The following USP43 variants were observed in gnomAD, a reference collection of about 807,000 sequenced individuals.
The protein encoded by USP43 is ubiquitin specific peptidase 43, also known as ubiquitin carboxyl-terminal hydrolase 43.
USP43 carries 33 observed loss-of-function variants against 90.7 expected under a neutral mutation model. The ratio of observed to expected loss-of-function variants is 0.36; its 90% CI spans 0.28 to 0.49. The LOEUF is 0.49. USP43 is among the 20% of genes least tolerant of loss of function. USP43 has a pLI of 0.98. For synonymous variants in USP43, 598 were observed against 615.8 expected (o/e 0.97, Z 0.43); for missense variants, 1,274 against 1,476.4 (o/e 0.86, Z 2.25).
At position 9,686,813 on chromosome 17, in the gene USP43, C is replaced by A; in HGVS notation, c.1257C>A (p.Phe419Leu). ...GGATTTTCAGGTTTGGGCCACCCTT[C>A]CTGATAAGGGAAGACAGAGCTGTTT... ...GQQASRFGPP[F>L]LIREDRAVSW... Residue 419 changes from phenylalanine to leucine, a missense_variant, in exon 8 of 15, where the codon TTC (phenylalanine) becomes TTA (leucine). Phe to Leu is a conservative substitution (Grantham distance 22). This residue lies in a region of USP43 where 253 missense variants were observed against 276.0 expected (regional missense o/e 0.92). Coordinates refer to ENST00000285199, the MANE Select transcript of USP43 (RefSeq NM_153210.5). The surrounding 1 kb of genome is among the most constrained non-coding windows in gnomAD (Gnocchi z 5.5). 6.2e-7 allele frequency: 1 copy of A among 1,613,914 alleles called. No homozygotes were observed. The highest frequency in any genetic ancestry group is 1.3e-5 in the African/African-American group (1 of 75,024).
rs1379570881 is a variant in USP43, at chr17:9,685,791, A to G, written c.1242-1007A>G. ...GTAATTGGCATAACCGTCACCTCAA[A>G]CATTTATCATTTCTTTGTGTTGGGA... On this transcript the variant is annotated intron_variant, in intron 7 of 14. Transcript: ENST00000285199. Among the ~76,000 whole-genome samples the G allele has an allele frequency of 2.0e-5, 3 of 152,210 alleles. No individual in the cohort carries two copies. In the East Asian group the frequency reaches 5.8e-4, roughly 29 times the overall value.
intron 5 of USP43, among the ~76,000 whole-genome samples, chr17:9,678,093 G>A (rs2151974158): frequency 6.6e-6 from 1 of 152,314 alleles, no homozygotes; most frequent in South Asian, 2.1e-4. Flanking sequence ...TGGGGAGAAA[G>A]TGACAGTAAG....
chr17:9,724,927 G>C (rs1917178659), intron 14 of USP43, among the ~76,000 whole-genome samples: 1 of 132,146 alleles, frequency 7.6e-6, no homozygotes, highest in Non-Finnish European at 1.5e-5. Context: ...CTTGTTCTGT[G>C]GCGGGGGGCA....
At chr17:9,703,177 A>ATTTTT (rs759991039) in intron 12 of USP43, among the ~76,000 whole-genome samples, 1 of 143,906 alleles carries the variant, frequency 6.9e-6, no homozygotes, top group African/African-American at 2.5e-5. Context: ...TGTTACTCAG[A>ATTTTT]TTTTTTTTTT....
rs74319653 is a variant in USP43 at position 9,698,978 on chromosome 17, G to T, written c.1458-1194G>T. On this transcript the variant is annotated intron_variant, in intron 9 of 14. Coordinates refer to ENST00000285199, the MANE Select transcript of USP43 (RefSeq NM_153210.5). ...TCATTGTGGAAATGGAGAATTTGGG[G>T]GACCTAAAGAAAGAAGCTTAGATCT... Among the ~76,000 whole-genome samples the T allele has an allele frequency of 1.1e-3, 174 of 152,260 alleles. No individual in the cohort carries two copies. In the East Asian group the frequency reaches 0.032, roughly 28 times the overall value.
At chr17:9,726,835 C>T (rs1427863746) in intron 14 of USP43, among the ~76,000 whole-genome samples, 2 of 152,172 alleles carry the variant, frequency 1.3e-5, no homozygotes, top group East Asian at 1.9e-4. Flanking sequence ...ACTGTCCTTG[C>T]GCCATGTAGG....
intron 14 of USP43, among the ~76,000 whole-genome samples, chr17:9,714,134 G>T (rs1019290519): frequency 6.6e-6 from 1 of 152,150 alleles, no homozygotes; most frequent in African/African-American, 2.4e-5. Flanking sequence ...GAGCTCAGGC[G>T]GTAATGCGAG....
intron 1 of USP43, among the ~76,000 whole-genome samples, chr17:9,650,427 G>C (rs760183399): frequency 5.5e-5 from 8 of 144,688 alleles, no homozygotes; most frequent in Non-Finnish European, 1.2e-4. Context: ...GGTGGAGACA[G>C]AGTCTCACTC....
In USP43 at chr17:9,645,687, CG is replaced by C; in HGVS notation, c.56del (p.Arg19ProfsTer85). 1.6e-6 allele frequency: 2 copies of C among 1,284,748 alleles called. No homozygotes were observed. The highest frequency in any genetic ancestry group is 2.5e-5 in the South Asian group (1 of 39,324). The allele number at this position is 1,284,748 out of a possible 1,614,324, so 79.6% of individuals were successfully genotyped here. A position where few individuals can be genotyped will look rare whatever the true frequency, so the allele number is the denominator to read the frequency against. On this transcript the variant is annotated frameshift_variant, in exon 1 of 15. Coordinates refer to ENST00000285199, the MANE Select transcript of USP43 (RefSeq NM_153210.5). LOFTEE classifies it high-confidence loss of function. This position sits in a 1 kb window ranked among gnomAD's most constrained non-coding sequence, Gnocchi z 6.8. The stretch of plus-strand genomic sequence containing the variant: ...AGGGGGACCGCTCGCGCCCCGGCCC[CG>C]CCGCCGCCGCTCCCTGCGCCGCCTG... Reference protein sequence around the residue: ...AGGGPLAPRPRRRRSLRRLFS... With the variant: ...AGGGPLAPRPXRRRSLRRLFS...
At chr17:9,651,354 G>C (rs890830893) in intron 1 of USP43, among the ~76,000 whole-genome samples, 1 of 151,982 alleles carries the variant, frequency 6.6e-6, no homozygotes, top group Non-Finnish European at 1.5e-5. Context: ...ACCATGCCTG[G>C]CTAATTTTTG....
At chr17:9,694,229 A>G (rs536479576) in intron 9 of USP43, among the ~76,000 whole-genome samples, 3 of 152,306 alleles carry the variant, frequency 2.0e-5, no homozygotes, top group South Asian at 4.2e-4. Context: ...CCCCTTGTAA[A>G]GAGACCAGGA....
At position 9,701,878 on chromosome 17, in the gene USP43, T is replaced by C. The variant is rs564501963; in HGVS notation, c.2011+178T>C. On this transcript the variant is annotated intron_variant, in intron 12 of 14. Transcript: ENST00000285199. This position sits in a 1 kb window ranked among gnomAD's most constrained non-coding sequence, Gnocchi z 7.2. ...AACAAAGATGAATAAGCCAAGGACC[T>C]GCCCTGTAGGAGCTGGTGGGGGAGA... is the stretch of plus-strand genomic sequence containing the variant. Among the ~76,000 whole-genome samples the C allele has an allele frequency of 9.8e-5, 15 of 152,296 alleles. No homozygotes were observed. Among genetic ancestry groups the C allele is most frequent in the African/African-American group, 3.6e-4 (15 of 41,560 alleles).
At chr17:9,656,599 G>A in intron 2 of USP43, 65 bp downstream of exon 2, 1 of 1,511,450 alleles carries the variant, frequency 6.6e-7, no homozygotes, top group South Asian at 1.3e-5. Context: ...TATTGACTCA[G>A]CTCCTCAAAA....
At chr17:9,690,779 G>T (rs1914896867) in intron 8 of USP43, among the ~76,000 whole-genome samples, 1 of 152,050 alleles carries the variant, frequency 6.6e-6, no homozygotes, top group Non-Finnish European at 1.5e-5. Context: ...CAGCTACTCG[G>T]GAGGCTGAGG....
rs566613391 is a variant in USP43 at position 9,714,078 on chromosome 17, G to T, written c.2335+1946G>T. The stretch of plus-strand genomic sequence containing the variant: ...ACGTGCAGAGTTCACAATAGGCTTT[G>T]TGTTCCTATGAGAATCTAATACGCC... On this transcript the variant is annotated intron_variant, in intron 14 of 14. Coordinates refer to ENST00000285199, the MANE Select transcript of USP43 (RefSeq NM_153210.5). Among the ~76,000 whole-genome samples, 30 of 152,288 alleles carry T rather than the reference G, an allele frequency of 2.0e-4. No individual in the cohort carries two copies. In the South Asian group the frequency reaches 5.8e-3, roughly 29 times the overall value.
intron 3 of USP43, among the ~76,000 whole-genome samples, chr17:9,670,994 G>T (rs1044429082): frequency 6.6e-6 from 1 of 152,088 alleles, no homozygotes; most frequent in East Asian, 1.9e-4. Context: ...TCCTCTCCCT[G>T]GGGAGGGCTT....
chr17:9,666,188 T>C (rs1030181064), intron 2 of USP43, among the ~76,000 whole-genome samples: 4 of 152,132 alleles, frequency 2.6e-5, no homozygotes, highest in Non-Finnish European at 4.4e-5. Context: ...AGAATACTCA[T>C]GTGAAACTGA....
rs201489336 is a variant in USP43 at position 9,728,101 on chromosome 17, C to G, written c.2483C>G (p.Ala828Gly). The G allele has an allele frequency of 2.9e-3, 4,737 of 1,613,904 alleles. 7 individuals are homozygous for G. Among genetic ancestry groups the G allele is most frequent in the Non-Finnish European group, 3.8e-3 (4,434 of 1,179,876 alleles). ...GGATCCAAGGAGAAACCACCAGGTG[C>G]CTCCGTCGAGTTGGTGGAGTACTTG... ...SFGSKEKPPG[A>G]SVELVEYLES... is the part of the protein sequence containing the mutation. Residue 828 changes from alanine (A) to glycine (G), a missense_variant, in exon 15 of 15, where the codon GCC becomes GGC. By Grantham distance (60) the Ala-to-Gly change is moderately conservative. Around this residue, in one of 6 missense-constraint regions of USP43, gnomAD observed 285 missense variants for 349.6 expected, o/e 0.82. Coordinates refer to ENST00000285199, the MANE Select transcript of USP43 (RefSeq NM_153210.5). This position sits in a 1 kb window ranked among gnomAD's most constrained non-coding sequence, Gnocchi z 6.2.
chr17:9,647,924 G>T (rs1486832662), intron 1 of USP43, among the ~76,000 whole-genome samples: 1 of 152,186 alleles, frequency 6.6e-6, no homozygotes, highest in African/African-American at 2.4e-5. Flanking sequence ...GGGAGGCTGG[G>T]GCAGGAGAAT....
Sources: allele counts gnomAD v4.1 joint callset (sites outside exome capture counted in the v4.1 genomes callset), GRCh38; gene constraint gnomAD v4.1.1; regional missense constraint gnomAD v4.1.1; non-coding constraint Gnocchi (gnomAD v3.1); transcripts MANE v1.5; gene names NCBI Gene and HGNC (gene_info 2026-07-23, HGNC 2026-07-21).